Variants in SHROOM3 observed in about 807,000 individuals in gnomAD.
SHROOM3 encodes protein Shroom3.
A neutral mutation model predicts 138.6 loss-of-function variants in SHROOM3; 47 were observed. The observed-to-expected ratio is 0.34, with a 90% CI of 0.27 to 0.43. The LOEUF (loss-of-function observed/expected upper bound fraction) is 0.43, where lower values mean the gene tolerates loss of function less well. Among genes scored for constraint, SHROOM3 ranks in the 20% least tolerant of loss-of-function variants. SHROOM3 has a pLI of 1.00. For missense variants in SHROOM3, 2,491 were observed against 2,596.5 expected, an observed-to-expected ratio of 0.96 and a Z score of 0.88; for synonymous variants, 1,062 against 1,063.3, an observed-to-expected ratio of 1.00 and a Z score of 0.02.
chr4:76,444,443 T>A (rs1730761374), intron 1 of SHROOM3, among the ~76,000 whole-genome samples: 1 of 149,856 alleles, frequency 6.7e-6, no homozygotes, highest in Non-Finnish European at 1.5e-5. Context: ...GTAACAGCCT[T>A]CTTGAACCTC....
At position 76,757,046 on chromosome 4, in the gene SHROOM3, T is replaced by C. The variant is rs1721839420; in HGVS notation, c.5198+109T>C. On this transcript the variant is annotated intron_variant, in intron 8 of 10. Coordinates refer to ENST00000296043, the MANE Select transcript of SHROOM3 (RefSeq NM_020859.4). The stretch of plus-strand genomic sequence containing the variant: ...GATGTTCTCCTACTGCCACAGCTCC[T>C]GAACCAAGAGTGACATTTTATCTCA... 44 of 1,558,898 alleles carry C rather than the reference T, an allele frequency of 2.8e-5. No individual in the cohort carries two copies. In the South Asian group the frequency reaches 4.6e-4, roughly 16 times the overall value.
chr4:76,551,870 A>ATT lies in SHROOM3; in HGVS notation c.169-3731_169-3730dup, dbSNP rs201077454. Among the ~76,000 whole-genome samples, 12 of 150,710 alleles carry ATT rather than the reference A, an allele frequency of 8.0e-5. No individual in the cohort carries two copies. In the South Asian group the frequency reaches 2.5e-3, roughly 32 times the overall value. ...GGGAAAAAGAAGAATTATTATTATTATTTTTTTTTGAGACAGAGTCTCGCT... is the reference window on the plus strand; with the variant it reads ...GGGAAAAAGAAGAATTATTATTATTATTTTTTTTTTTGAGACAGAGTCTCGCT... On this transcript the variant is annotated intron_variant, in intron 1 of 10. Transcript: ENST00000296043.
At chr4:76,689,465 G>C in intron 2 of SHROOM3, 2 of 951,822 alleles carry the variant, frequency 2.1e-6, no homozygotes, top group Non-Finnish European at 2.5e-6. Context: ...CGCACCCTCG[G>C]CGCGCCGCGC....
At chr4:76,610,833 C>T (rs1009251422) in intron 2 of SHROOM3, among the ~76,000 whole-genome samples, 2 of 152,172 alleles carry the variant, frequency 1.3e-5, no homozygotes, top group East Asian at 3.9e-4. Context: ...ATTTCGTGTG[C>T]AGGTTCTCAC....
intron 2 of SHROOM3, among the ~76,000 whole-genome samples, chr4:76,628,539 G>A (rs1453981664): frequency 6.6e-6 from 1 of 152,204 alleles, no homozygotes; most frequent in Non-Finnish European, 1.5e-5. Flanking sequence ...CTAACCTGCA[G>A]TGATACTTGT....
chr4:76,580,560 G>A (rs1305917464), intron 2 of SHROOM3, among the ~76,000 whole-genome samples: 1 of 151,244 alleles, frequency 6.6e-6, no homozygotes, highest in African/African-American at 2.4e-5. Flanking sequence ...CCGAGTAGCT[G>A]GGAATACAGG....
At chr4:76,457,413 G>T (rs1017183101) in intron 1 of SHROOM3, among the ~76,000 whole-genome samples, 1 of 152,016 alleles carries the variant, frequency 6.6e-6, no homozygotes. Flanking sequence ...GAAGCTTCCT[G>T]AGGCCTCTGC....
At chr4:76,666,229 T>C (rs987589344) in intron 2 of SHROOM3, among the ~76,000 whole-genome samples, 1 of 152,230 alleles carries the variant, frequency 6.6e-6, no homozygotes, top group African/African-American at 2.4e-5. Context: ...CAGAAAGTTC[T>C]GGCCTCACTC....
chr4:76,467,587 G>A (rs1217626428), intron 1 of SHROOM3, among the ~76,000 whole-genome samples: 1 of 152,164 alleles, frequency 6.6e-6, no homozygotes. Context: ...CAAAGACCCA[G>A]GCTAGTGGTA....
intron 9 of SHROOM3, among the ~76,000 whole-genome samples, chr4:76,765,538 T>C (rs756595313): frequency 6.6e-6 from 1 of 152,058 alleles, no homozygotes; most frequent in Non-Finnish European, 1.5e-5. Context: ...CTAAGCTGAA[T>C]TCCACTCTAT....
At chr4:76,531,751 A>G (rs929127832) in intron 1 of SHROOM3, among the ~76,000 whole-genome samples, 1 of 152,174 alleles carries the variant, frequency 6.6e-6, no homozygotes, top group Admixed American at 6.5e-5. Context: ...AAATGTCTGA[A>G]AGATAATTAA....
rs1446086707 is a variant in SHROOM3 at position 76,741,046 on chromosome 4, G to A, written c.2873G>A (p.Arg958Gln). 19 of 1,493,620 alleles carry A rather than the reference G, an allele frequency of 1.3e-5. No individual in the cohort carries two copies. The highest frequency in any genetic ancestry group is 1.6e-5 in the Non-Finnish European group (18 of 1,126,344). The allele number at this position is 1,493,620 out of a possible 1,614,324, so 92.5% of individuals were successfully genotyped here. ...GCGCCCGTGGCGTCGAGGTCCTGGC[G>A]GCCACGGCCTTCCTCGGCCCACGTG... ...LGAPVASRSW[R>Q]PRPSSAHVGL... The change falls in exon 5 of 11, where the codon CGG (arginine) becomes CAG (glutamine). Residue 958 changes from arginine (R) to glutamine (Q), a missense_variant. Arg to Gln is a conservative substitution (Grantham distance 43, BLOSUM62 1). Transcript: ENST00000296043. The surrounding 1 kb of genome is among the most constrained non-coding windows in gnomAD (Gnocchi z 6.2).
At chr4:76,598,635 G>A (rs189352476) in intron 2 of SHROOM3, among the ~76,000 whole-genome samples, 109 of 152,302 alleles carry the variant, frequency 7.2e-4, no homozygotes, top group Non-Finnish European at 1.1e-3. Flanking sequence ...AATTCAGCCC[G>A]TGCTTCGCCC....
intron 2 of SHROOM3, among the ~76,000 whole-genome samples, chr4:76,646,195 T>C (rs1161094010): frequency 7.5e-6 from 1 of 132,660 alleles, no homozygotes; most frequent in Admixed American, 7.9e-5. Context: ...GTTGTGCACA[T>C]GTACCCTAGA....
intron 1 of SHROOM3, among the ~76,000 whole-genome samples, chr4:76,506,430 A>G (rs1024294599): frequency 6.6e-6 from 1 of 152,198 alleles, no homozygotes; most frequent in East Asian, 1.9e-4. Context: ...TGTGTGTCAT[A>G]TGCAAATACT....
chr4:76,719,443 C>G (rs1287803938), intron 3 of SHROOM3, among the ~76,000 whole-genome samples: 2 of 152,160 alleles, frequency 1.3e-5, no homozygotes, highest in African/African-American at 4.8e-5. Context: ...AGAAGTTGTG[C>G]TATTCTATTT....
intron 2 of SHROOM3, 40 bp downstream of exon 2, chr4:76,555,803 AC>A (rs762840312): frequency 1.9e-6 from 3 of 1,597,260 alleles, no homozygotes; most frequent in South Asian, 1.1e-5. Flanking sequence ...CTACCACCTC[AC>A]CCCACCTCTC....
At chr4:76,706,393 G>A (rs909413043) in intron 2 of SHROOM3, among the ~76,000 whole-genome samples, 3 of 152,182 alleles carry the variant, frequency 2.0e-5, no homozygotes, top group East Asian at 1.9e-4. Flanking sequence ...GATTACAGGC[G>A]TGAGCCACTG....
intron 2 of SHROOM3, among the ~76,000 whole-genome samples, chr4:76,657,192 T>G (rs201024142): frequency 7.1e-6 from 1 of 141,836 alleles, no homozygotes; most frequent in African/African-American, 2.9e-5. Flanking sequence ...TCTCTCTCGC[T>G]CTCTCTCTCT....
Sources: gnomAD v4.1 joint callset for allele counts (sites outside exome capture counted in the v4.1 genomes callset) on GRCh38, gnomAD v4.1.1 for gene constraint, Gnocchi (gnomAD v3.1) non-coding constraint, MANE v1.5 for transcripts, NCBI Gene and HGNC (gene_info 2026-07-23, HGNC 2026-07-21) for gene names.